The following MTMR3 variants were observed in gnomAD, a reference collection of about 807,000 sequenced individuals.
The protein encoded by MTMR3 is phosphatidylinositol-3,5-bisphosphate 3-phosphatase MTMR3.
MTMR3 carries 32 observed loss-of-function variants against 132.4 expected under a neutral mutation model. The ratio of observed to expected loss-of-function variants is 0.24; its 90% confidence interval spans 0.18 to 0.32. The LOEUF (loss-of-function observed/expected upper bound fraction) is 0.32. Among genes scored for constraint, MTMR3 ranks in the 10% least tolerant of loss-of-function variants. The pLI is 1.00. For synonymous variants in MTMR3, 556 were observed against 550.3 expected (o/e 1.01, Z -0.14); for missense variants, 1,216 against 1,489.6 (o/e 0.82, Z 3.02).
intron 1 of MTMR3, among the ~76,000 whole-genome samples, chr22:29,944,473 T>C (rs368416190): frequency 8.1e-4 from 123 of 152,206 alleles, no homozygotes; most frequent in African/African-American, 2.7e-3. Flanking sequence ...TACTTTTGTC[T>C]TTTCTTCCTA....
At chr22:29,945,166 T>C (rs1033442721) in intron 1 of MTMR3, among the ~76,000 whole-genome samples, 4 of 152,058 alleles carry the variant, frequency 2.6e-5, no homozygotes, top group African/African-American at 9.7e-5. Flanking sequence ...GCACGTGCCA[T>C]GAGGCCTGGC....
chr22:30,024,656 C>T (rs959494952), intron 19 of MTMR3: 10 of 152,206 alleles, frequency 6.6e-5, no homozygotes, highest in African/African-American at 2.4e-4. Flanking sequence ...AAGAAGCTGC[C>T]CTCCCCCAGT....
chr22:29,972,340 C>T (rs2066551973), intron 3 of MTMR3, among the ~76,000 whole-genome samples: 1 of 152,142 alleles, frequency 6.6e-6, no homozygotes, highest in Non-Finnish European at 1.5e-5. Context: ...GTGTGGTCCT[C>T]TTCCTGGTGC....
At chr22:29,942,991 G>A (rs2065886573) in intron 1 of MTMR3, among the ~76,000 whole-genome samples, 1 of 152,112 alleles carries the variant, frequency 6.6e-6, no homozygotes, top group African/African-American at 2.4e-5. Flanking sequence ...TATTGGTTGG[G>A]GAAGTAATAA....
At position 30,007,296 on chromosome 22, in the gene MTMR3, G is replaced by T; in HGVS notation, c.854G>T (p.Gly285Val). Residue 285 changes from glycine to valine, a missense_variant, in exon 10 of 20, where the codon GGA becomes GTA. Gly to Val is a moderately radical substitution (Grantham distance 109, BLOSUM62 -3). Transcript: ENST00000401950. Reference protein sequence around the residue: ...RNTSRDFPNGGDLSDVEFDSS... With the variant: ...RNTSRDFPNGVDLSDVEFDSS... Reference sequence around the variant, plus strand: ...ACTTCTCGAGACTTTCCCAATGGGGGAGACCTTTCTGACGTGGAGTTCGGT... The same window carrying T: ...ACTTCTCGAGACTTTCCCAATGGGGTAGACCTTTCTGACGTGGAGTTCGGT... 1.2e-6 allele frequency: 2 copies of T among 1,614,168 alleles called. No individual in the cohort carries two copies. The highest frequency in any genetic ancestry group is 1.7e-6 in the Non-Finnish European group (2 of 1,180,034).
chr22:29,922,030 C>CT (rs537101747), intron 1 of MTMR3, among the ~76,000 whole-genome samples: 12,635 of 141,920 alleles, frequency 0.089, 603 homozygotes, highest in Non-Finnish European at 0.1. Flanking sequence ...TATATCATGT[C>CT]TTTTTTTTTT....
At chr22:30,010,352 T>C (rs1055356989) in intron 12 of MTMR3, 2 of 152,212 alleles carry the variant, frequency 1.3e-5, no homozygotes, top group Non-Finnish European at 2.9e-5. Context: ...TCAAAAAAGA[T>C]AGAATTAGCC....
Position 29,938,367 on chromosome 22 carries a change from G to A in MTMR3, c.-137-18669G>A, listed in dbSNP as rs36593. On this transcript the variant is annotated intron_variant, in intron 1 of 19. Coordinates refer to ENST00000401950, the MANE Select transcript of MTMR3 (RefSeq NM_021090.4). ...AATTTTCGCTTTGTCATAAATCTCC[G>A]TACTTTCACTGTTTCTGACTCATTC... 5.9e-5 allele frequency among the ~76,000 whole-genome samples: 9 copies of A among 152,226 alleles called. No homozygotes were observed. In the East Asian group the frequency reaches 1.5e-3, roughly 26 times the overall value.
intron 2 of MTMR3, among the ~76,000 whole-genome samples, chr22:29,965,731 C>T (rs886327647): frequency 1.3e-5 from 2 of 151,994 alleles, no homozygotes; most frequent in Non-Finnish European, 2.9e-5. Flanking sequence ...GGGAAGATAG[C>T]TTATGTATAT....
chr22:29,968,193 A>G (rs1388990260), intron 2 of MTMR3, among the ~76,000 whole-genome samples: 1 of 152,136 alleles, frequency 6.6e-6, no homozygotes, highest in East Asian at 1.9e-4. Context: ...ACCACTTTAC[A>G]TTCCTGCCGG....
At chr22:29,884,057 G>A (rs2064612790) in intron 1 of MTMR3, among the ~76,000 whole-genome samples, 1 of 152,120 alleles carries the variant, frequency 6.6e-6, no homozygotes, top group African/African-American at 2.4e-5. Flanking sequence ...TTGTATTTTG[G>A]ACTGGAAAAC....
In MTMR3 at chr22:30,002,867, A is replaced by G. The variant is rs369387262; in HGVS notation, c.558-13A>G. On this transcript the variant is annotated splice_polypyrimidine_tract_variant and intron_variant, in intron 8 of 19. Coordinates refer to ENST00000401950, the MANE Select transcript of MTMR3 (RefSeq NM_021090.4). ...ATCCCCTTGACTCTCCCCACTTCTC[A>G]TCTTCTCTTTAGATTATGTGGTAGC... The G allele has an allele frequency of 3.1e-6, 5 of 1,602,722 alleles. No homozygotes were observed. The East Asian group carries it at 6.7e-5, about 21-fold the overall frequency.
At chr22:29,908,982 C>CT (rs67722380) in intron 1 of MTMR3, among the ~76,000 whole-genome samples, 48,437 of 139,516 alleles carry the variant, frequency 0.35, 8,516 homozygotes, top group East Asian at 0.61. Context: ...CTTTTCTTTT[C>CT]TTTTTTTTTT....
chr22:29,925,870 A>T (rs1395151513), intron 1 of MTMR3, among the ~76,000 whole-genome samples: 1 of 152,192 alleles, frequency 6.6e-6, no homozygotes, highest in African/African-American at 2.4e-5. Flanking sequence ...AGCTGAGATC[A>T]AGCCACTGCA....
At chr22:29,953,812 C>T (rs938325249) in intron 1 of MTMR3, among the ~76,000 whole-genome samples, 2 of 152,108 alleles carry the variant, frequency 1.3e-5, no homozygotes, top group Non-Finnish European at 2.9e-5. Flanking sequence ...CCCTGTTTGT[C>T]TGTTCGTTAG....
chr22:30,022,329 G>C, intron 18 of MTMR3, 190 bp downstream of exon 18: 4 of 612,972 alleles, frequency 6.5e-6, no homozygotes, highest in South Asian at 5.8e-5. Context: ...GACTCAGCAA[G>C]CTGGCCCTCC....
At chr22:29,960,770 C>T (rs559249548) in intron 2 of MTMR3, among the ~76,000 whole-genome samples, 45 of 152,166 alleles carry the variant, frequency 3.0e-4, no homozygotes, top group African/African-American at 1.1e-3. Flanking sequence ...ATATGGCAGC[C>T]CTGAGGGCCA....
chr22:30,016,832 T>C (rs559710672), intron 15 of MTMR3, 134 bp downstream of exon 15: 36 of 1,058,122 alleles, frequency 3.4e-5, no homozygotes, highest in Admixed American at 2.0e-4. Context: ...GTTCCATTTT[T>C]CCCCCATGAT....
At chr22:29,887,007 A>C (rs1444168821) in intron 1 of MTMR3, among the ~76,000 whole-genome samples, 2 of 152,214 alleles carry the variant, frequency 1.3e-5, no homozygotes, top group Admixed American at 1.3e-4. Flanking sequence ...TATCAGATTC[A>C]TACTGGATTG....
Sources: gnomAD v4.1 joint callset for allele counts (sites outside exome capture counted in the v4.1 genomes callset) on GRCh38, gnomAD v4.1.1 for gene constraint, MANE v1.5 for transcripts, NCBI Gene and HGNC (gene_info 2026-07-23, HGNC 2026-07-21) for gene names.